Variants in INPP4A observed in about 807,000 individuals in gnomAD.
INPP4A encodes the protein inositol polyphosphate-4-phosphatase, type I, 107kD.
In INPP4A, 33 loss-of-function variants were observed where a neutral mutation model predicts 119.8. The ratio of observed to expected loss-of-function variants is 0.28; its 90% CI spans 0.21 to 0.37. The LOEUF is 0.37. INPP4A is among the 10% of genes least tolerant of loss of function. The pLI is 1.00. For synonymous variants in INPP4A, 496 were observed against 500.7 expected, an observed-to-expected ratio of 0.99 and a Z score of 0.12; for missense variants, 956 against 1,289.9, an observed-to-expected ratio of 0.74 and a Z score of 3.97.
At chr2:98,495,144 G>A (rs1019438040) in intron 1 of INPP4A, among the ~76,000 whole-genome samples, 1 of 151,998 alleles carries the variant, frequency 6.6e-6, no homozygotes, top group Non-Finnish European at 1.5e-5. Flanking sequence ...TCTTAGCTAA[G>A]ATGTCATTTT....
At chr2:98,509,944 G>A (rs1684815111) in intron 1 of INPP4A, among the ~76,000 whole-genome samples, 1 of 152,320 alleles carries the variant, frequency 6.6e-6, no homozygotes, top group East Asian at 1.9e-4. Flanking sequence ...TGAGGGAATT[G>A]CCTGCCTTGT....
intron 17 of INPP4A, among the ~76,000 whole-genome samples, chr2:98,561,560 C>T (rs1695477949): frequency 6.6e-6 from 1 of 152,204 alleles, no homozygotes. Flanking sequence ...GCCATTCTTC[C>T]TATACTACAA....
rs1388712245 is a variant in INPP4A at position 98,570,362 on chromosome 2, G to A, written c.2518+1694G>A. On this transcript the variant is annotated intron_variant, in intron 22 of 24. Coordinates refer to ENST00000409851, the MANE Select transcript of INPP4A (RefSeq NM_001134225.2). The surrounding 1 kb of genome is among the most constrained non-coding windows in gnomAD (Gnocchi z 4.3). ...AGAAGGGACTCAACAGAAGGCGAGA[G>A]AGAGCATCACAGGCTAGCAGGAAGA... Among the ~76,000 whole-genome samples, 2 of 152,194 alleles carry A rather than the reference G, an allele frequency of 1.3e-5. No homozygotes were observed. Among genetic ancestry groups the A allele is most frequent in the Non-Finnish European group, 2.9e-5 (2 of 68,038 alleles).
chr2:98,519,596 A>G (rs2278213), intron 2 of INPP4A: 39,329 of 159,578 alleles, frequency 0.25, 5,030 homozygotes, highest in Middle Eastern at 0.36. Context: ...TGATTTAAAT[A>G]TTTAAAGGTT....
chr2:98,594,022 C>T lies in INPP4A; in HGVS notation c.*6414C>T, dbSNP rs760101383. The T allele has an allele frequency of 2.6e-5, 4 of 152,204 alleles. No homozygotes were observed. Among genetic ancestry groups the T allele is most frequent in the African/African-American group, 7.2e-5 (3 of 41,440 alleles). 9.4% of individuals were successfully genotyped at this position (152,204 alleles called of 1,614,324 possible). ...TATTCACAAGAGCAAGTGTAATGCCCGCTGTGAAGGAGCTAAAGTTTGTTG... is the reference window on the plus strand; with the variant it reads ...TATTCACAAGAGCAAGTGTAATGCCTGCTGTGAAGGAGCTAAAGTTTGTTG... On this transcript the variant is annotated 3_prime_UTR_variant, in exon 25 of 25. Transcript: ENST00000409851.
chr2:98,445,472 A>G (rs1467270948), intron 1 of INPP4A, among the ~76,000 whole-genome samples: 1 of 152,182 alleles, frequency 6.6e-6, no homozygotes, highest in African/African-American at 2.4e-5. Context: ...GTAAACATGC[A>G]TCTCCGTGTG....
chr2:98,470,651 A>G (rs1178503472), intron 1 of INPP4A, among the ~76,000 whole-genome samples: 1 of 152,024 alleles, frequency 6.6e-6, no homozygotes, highest in Non-Finnish European at 1.5e-5. Context: ...AGGAGCTGGA[A>G]GACATTTCTT....
rs1396910970 is a variant in INPP4A at position 98,567,432 on chromosome 2, G to A, written c.2421-1139G>A. ...TGAGGGCACCAGCCCAGGAAGCAAA[G>A]CCCCAAAGGTGTGAGCAGAGCTGGA... On this transcript the variant is annotated intron_variant, in intron 21 of 24. Transcript: ENST00000409851. 5.9e-5 allele frequency among the ~76,000 whole-genome samples: 9 copies of A among 152,192 alleles called. No homozygotes were observed. In the East Asian group the frequency reaches 1.3e-3, roughly 23 times the overall value.
At chr2:98,480,461 A>G (rs973372384) in intron 1 of INPP4A, among the ~76,000 whole-genome samples, 1 of 152,200 alleles carries the variant, frequency 6.6e-6, no homozygotes, top group African/African-American at 2.4e-5. Flanking sequence ...CTCTTACGAC[A>G]CAGAGCAGCT....
At chr2:98,517,484 G>T (rs1686372901) in intron 1 of INPP4A, among the ~76,000 whole-genome samples, 1 of 152,086 alleles carries the variant, frequency 6.6e-6, no homozygotes, top group African/African-American at 2.4e-5. Flanking sequence ...ATCACTTCCA[G>T]TTACTCCACG....
rs1004300332 is a variant in INPP4A, at chr2:98,566,912, A to G, written c.2420+743A>G. On this transcript the variant is annotated intron_variant, in intron 21 of 24. Coordinates refer to ENST00000409851, the MANE Select transcript of INPP4A (RefSeq NM_001134225.2). This position sits in a 1 kb window ranked among gnomAD's most constrained non-coding sequence, Gnocchi z 4.2. ...AGAATAGTCTAAACAGAGATCTTCA[A>G]GTACTTGCTGTGAAGGAAATTTGGT... is the stretch of plus-strand genomic sequence containing the variant. 2.6e-5 allele frequency among the ~76,000 whole-genome samples: 4 copies of G among 152,214 alleles called. No individual in the cohort carries two copies. Among genetic ancestry groups the G allele is most frequent in the African/African-American group, 4.8e-5 (2 of 41,448 alleles).
At chr2:98,450,732 G>C (rs779319549) in intron 1 of INPP4A, among the ~76,000 whole-genome samples, 1 of 152,104 alleles carries the variant, frequency 6.6e-6, no homozygotes, top group Non-Finnish European at 1.5e-5. Flanking sequence ...AATTAGATCA[G>C]CCTTTCCTCT....
Position 98,546,096 on chromosome 2 carries a change from T to C in INPP4A, c.1054+23T>C. The stretch of plus-strand genomic sequence containing the variant: ...CAGGTACCTATTTTTCTGCTCCCTC[T>C]TGTTGAATCACATTTCGCTGCTTTT... On this transcript the variant is annotated intron_variant, in intron 12 of 24. Coordinates refer to ENST00000409851, the MANE Select transcript of INPP4A (RefSeq NM_001134225.2). The surrounding 1 kb of genome is among the most constrained non-coding windows in gnomAD (Gnocchi z 4.2). 1 of 1,484,462 alleles carries C rather than the reference T, an allele frequency of 6.7e-7. No individual in the cohort carries two copies. Among genetic ancestry groups the C allele is most frequent in the Non-Finnish European group, 9.2e-7 (1 of 1,083,888 alleles). 92.0% of individuals were successfully genotyped at this position (1,484,462 alleles called of 1,614,324 possible).
intron 1 of INPP4A, among the ~76,000 whole-genome samples, chr2:98,473,392 G>C (rs1207511604): frequency 6.6e-6 from 1 of 151,062 alleles, no homozygotes; most frequent in Non-Finnish European, 1.5e-5. Context: ...AGTGAGAAGG[G>C]CAGTGTGAGG....
intron 1 of INPP4A, among the ~76,000 whole-genome samples, chr2:98,468,808 T>A (rs1201951619): frequency 1.3e-5 from 2 of 152,032 alleles, no homozygotes; most frequent in African/African-American, 4.8e-5. Flanking sequence ...AGCTCATGGC[T>A]GAGATTGAGA....
At chr2:98,519,815 C>G in intron 2 of INPP4A, 131 bp from the exon 3 acceptor site, 1 of 527,524 alleles carries the variant, frequency 1.9e-6, no homozygotes, top group Middle Eastern at 5.1e-4. Flanking sequence ...GACAGTCCAC[C>G]CCGGTTCCTC....
intron 7 of INPP4A, among the ~76,000 whole-genome samples, chr2:98,537,239 C>T (rs987649866): frequency 6.6e-6 from 1 of 152,162 alleles, no homozygotes; most frequent in Non-Finnish European, 1.5e-5. Flanking sequence ...AAATAGAAAG[C>T]CTGAAGTTCC....
chr2:98,579,682 G>T (rs1026117737), intron 24 of INPP4A, among the ~76,000 whole-genome samples: 6 of 152,182 alleles, frequency 3.9e-5, no homozygotes, highest in Non-Finnish European at 5.9e-5. Flanking sequence ...AGGGCCCTGG[G>T]GCCTGGCAAA....
chr2:98,475,210 G>A (rs765979738), intron 1 of INPP4A, among the ~76,000 whole-genome samples: 24 of 152,192 alleles, frequency 1.6e-4, no homozygotes, highest in Non-Finnish European at 2.4e-4. Flanking sequence ...AGATGCTGTC[G>A]GGAGCAGCTT....
Sources: allele counts gnomAD v4.1 joint callset (sites outside exome capture counted in the v4.1 genomes callset), GRCh38; gene constraint gnomAD v4.1.1; non-coding constraint Gnocchi (gnomAD v3.1); transcripts MANE v1.5; gene names NCBI Gene and HGNC (gene_info 2026-07-23, HGNC 2026-07-21).